NELL1: variants seen among roughly 807,000 people sequenced by gnomAD.
The protein encoded by NELL1 is neural EGFL like 1, also known as protein kinase C-binding protein NELL1.
A neutral mutation model predicts 107.4 loss-of-function variants in NELL1; 76 were observed. The ratio of observed to expected loss-of-function variants is 0.71; its 90% confidence interval spans 0.59 to 0.86. The LOEUF (loss-of-function observed/expected upper bound fraction) is 0.86. Among genes scored for constraint, NELL1 ranks in the 40% least tolerant of loss-of-function variants. The pLI is 0.00. For synonymous variants in NELL1, 353 were observed against 341.2 expected (o/e 1.03, Z -0.38); for missense variants, 1,024 against 1,005.5 (o/e 1.02, Z -0.25).
chr11:21,212,281 A>G (rs913462837), intron 13 of NELL1, among the ~76,000 whole-genome samples: 2 of 152,208 alleles, frequency 1.3e-5, no homozygotes, highest in African/African-American at 4.8e-5. Flanking sequence ...ATGCACTTCA[A>G]CAGTATCTGG....
intron 14 of NELL1, among the ~76,000 whole-genome samples, chr11:21,259,659 TGTTTTACA>T (rs1858856180): frequency 6.6e-6 from 1 of 151,858 alleles, no homozygotes; most frequent in Admixed American, 6.6e-5. Flanking sequence ...CTTACACTGG[TGTTTTACA>T]GAGAAAAAAA....
intron 3 of NELL1, among the ~76,000 whole-genome samples, chr11:20,799,635 G>A (rs1161187501): frequency 7.1e-6 from 1 of 140,416 alleles, no homozygotes; most frequent in Non-Finnish European, 1.5e-5. Context: ...CAGTTCATCT[G>A]GAGACAGCCA....
At chr11:20,718,777 C>T (rs773250080) in intron 2 of NELL1, among the ~76,000 whole-genome samples, 5 of 152,202 alleles carry the variant, frequency 3.3e-5, no homozygotes, top group East Asian at 1.9e-4. Context: ...ATGAGGAGAA[C>T]GAGGGGCCAA....
chr11:21,040,127 A>AT (rs1003170202), intron 12 of NELL1, among the ~76,000 whole-genome samples: 1 of 149,850 alleles, frequency 6.7e-6, no homozygotes, highest in South Asian at 2.1e-4. Context: ...CCCTCATATA[A>AT]TTTTTTTTTA....
intron 2 of NELL1, among the ~76,000 whole-genome samples, chr11:20,679,501 A>T (rs934723660): frequency 6.6e-6 from 1 of 152,214 alleles, no homozygotes; most frequent in Non-Finnish European, 1.5e-5. Context: ...TTATTATGTA[A>T]TTATATGTAA....
At chr11:21,394,346 T>C (rs986565826) in intron 15 of NELL1, among the ~76,000 whole-genome samples, 14 of 151,734 alleles carry the variant, frequency 9.2e-5, no homozygotes, top group African/African-American at 3.1e-4. Flanking sequence ...TCTCATAGAA[T>C]ATTACCATAA....
At chr11:21,013,485 G>A (rs1852495542) in intron 12 of NELL1, among the ~76,000 whole-genome samples, 1 of 152,136 alleles carries the variant, frequency 6.6e-6, no homozygotes, top group Admixed American at 6.5e-5. Context: ...GAAGTAACCA[G>A]CCAGAAGATA....
At chr11:20,814,656 A>G (rs1857584198) in intron 3 of NELL1, among the ~76,000 whole-genome samples, 1 of 151,980 alleles carries the variant, frequency 6.6e-6, no homozygotes. Context: ...TCTGCGTAGT[A>G]TTCCGTGGCG....
intron 3 of NELL1, among the ~76,000 whole-genome samples, chr11:20,838,540 T>C (rs373175585): frequency 4.6e-4 from 70 of 152,076 alleles, no homozygotes; most frequent in African/African-American, 1.7e-3. Flanking sequence ...AAAAACTTTG[T>C]ACAAATACAT....
intron 12 of NELL1, among the ~76,000 whole-genome samples, chr11:20,977,939 A>G (rs973010026): frequency 3.3e-5 from 5 of 152,238 alleles, no homozygotes; most frequent in African/African-American, 1.2e-4. Flanking sequence ...AACTGAGACT[A>G]AGGAAAGTTG....
chr11:20,707,617 G>T (rs950864436), intron 2 of NELL1, among the ~76,000 whole-genome samples: 7 of 152,174 alleles, frequency 4.6e-5, no homozygotes, highest in Non-Finnish European at 7.4e-5. Context: ...AGGTCTGTTG[G>T]AGTTTGCTGG....
chr11:21,031,476 A>G (rs1430613579), intron 12 of NELL1, among the ~76,000 whole-genome samples: 1 of 152,222 alleles, frequency 6.6e-6, no homozygotes, highest in East Asian at 1.9e-4. Context: ...TTGAGAACAC[A>G]TTCTGATACT....
At chr11:20,872,526 T>G (rs16906959) in intron 4 of NELL1, among the ~76,000 whole-genome samples, 4,582 of 152,200 alleles carry the variant, frequency 0.03, 114 homozygotes, top group East Asian at 0.15. Context: ...TGAATTTGTA[T>G]TTTTGAAAAG....
At chr11:21,421,593 G>A (rs573250538) in intron 15 of NELL1, among the ~76,000 whole-genome samples, 4 of 151,752 alleles carry the variant, frequency 2.6e-5, no homozygotes, top group Admixed American at 6.6e-5. Flanking sequence ...ACCCCCTCAC[G>A]TCCCCACCCC....
intron 14 of NELL1, among the ~76,000 whole-genome samples, chr11:21,370,223 A>G (rs1166692838): frequency 2.0e-5 from 3 of 152,028 alleles, no homozygotes; most frequent in Non-Finnish European, 4.4e-5. Context: ...CTAAAAATCC[A>G]TACCCTTGGG....
intron 13 of NELL1, among the ~76,000 whole-genome samples, chr11:21,162,225 A>G (rs1856388696): frequency 6.6e-6 from 1 of 152,150 alleles, no homozygotes; most frequent in South Asian, 2.1e-4. Flanking sequence ...CTGGGATTAC[A>G]GGCGTGAGCC....
intron 11 of NELL1, among the ~76,000 whole-genome samples, chr11:20,950,138 A>G (rs1409448182): frequency 2.0e-5 from 3 of 152,138 alleles, no homozygotes; most frequent in Non-Finnish European, 4.4e-5. Context: ...AGGAGGCAGC[A>G]TTGTTCACTG....
chr11:21,055,775 T>G (rs1590591668), intron 12 of NELL1, among the ~76,000 whole-genome samples: 2 of 152,184 alleles, frequency 1.3e-5, no homozygotes, highest in East Asian at 3.9e-4. Context: ...ACTGTTCCTT[T>G]CATTTTCTAT....
chr11:21,177,490 T>G lies in NELL1; in HGVS notation c.1427-51842T>G, dbSNP rs1013414981. Reference sequence around the variant, plus strand: ...TATTCTATTGTGTATATGTACCACATTTTCTTTATCTAGTCGTCTGTTGAT... The same window carrying G: ...TATTCTATTGTGTATATGTACCACAGTTTCTTTATCTAGTCGTCTGTTGAT... On this transcript the variant is annotated intron_variant, in intron 13 of 19. Transcript: ENST00000357134. Among the ~76,000 whole-genome samples the G allele has an allele frequency of 5.9e-5, 9 of 151,888 alleles. No individual in the cohort carries two copies. The East Asian group carries it at 1.7e-3, about 29-fold the overall frequency.
Sources: gnomAD v4.1 joint callset for allele counts (sites outside exome capture counted in the v4.1 genomes callset) on GRCh38, gnomAD v4.1.1 for gene constraint, MANE v1.5 for transcripts, NCBI Gene and HGNC (gene_info 2026-07-23, HGNC 2026-07-21) for gene names.